The following AVEN variants were observed in gnomAD, a reference collection of about 807,000 sequenced individuals.
AVEN encodes apoptosis and caspase activation inhibitor.
A neutral mutation model predicts 38.1 loss-of-function variants in AVEN; 41 were observed. That is an observed-to-expected ratio of 1.08 (90% CI 0.84 to 1.40). The LOEUF (loss-of-function observed/expected upper bound fraction) is 1.40, where lower values mean the gene tolerates loss of function less well. AVEN is among the 40% of genes most tolerant of loss of function. The pLI is 0.00. For synonymous variants in AVEN, 206 were observed against 171.8 expected (o/e 1.20, Z -1.56); for missense variants, 605 against 438.8 (o/e 1.38, Z -3.38).
intron 2 of AVEN, among the ~76,000 whole-genome samples, chr15:33,922,752 T>C (rs534132638): frequency 3.0e-4 from 46 of 152,322 alleles, no homozygotes; most frequent in African/African-American, 1.1e-3. Context: ...TTTGACAACC[T>C]AATTCTCTAT....
At chr15:33,935,378 G>C (rs1894017902) in intron 2 of AVEN, among the ~76,000 whole-genome samples, 1 of 152,182 alleles carries the variant, frequency 6.6e-6, no homozygotes, top group African/African-American at 2.4e-5. Flanking sequence ...TGTTTGTAAT[G>C]TGGTTTGTAA....
At chr15:33,983,866 C>T (rs776873519) in intron 2 of AVEN, among the ~76,000 whole-genome samples, 14 of 151,318 alleles carry the variant, frequency 9.3e-5, no homozygotes, top group Non-Finnish European at 1.8e-4. Flanking sequence ...TGACATGATC[C>T]AACAAGAAAG....
chr15:33,914,158 T>TA (rs948413382), intron 2 of AVEN, among the ~76,000 whole-genome samples: 3 of 88,234 alleles, frequency 3.4e-5, no homozygotes, highest in African/African-American at 1.2e-4. Context: ...AAATTTAATA[T>TA]AACCCCCCCC....
chr15:34,017,542 C>G (rs2684956), intron 1 of AVEN, among the ~76,000 whole-genome samples: 92,807 of 144,500 alleles, frequency 0.64, 34,146 homozygotes, highest in Non-Finnish European at 0.82. Flanking sequence ...GAGTGCAGTA[C>G]TGCGATCAGC....
intron 11 of AVEN, among the ~76,000 whole-genome samples, chr15:33,860,846 A>G (rs1887928958): frequency 1.3e-5 from 2 of 151,208 alleles, no homozygotes; most frequent in Non-Finnish European, 2.9e-5. Flanking sequence ...TGCCTCCTCC[A>G]CTGTCCCACA....
intron 1 of AVEN, among the ~76,000 whole-genome samples, chr15:34,034,887 G>GA (rs1899044878): frequency 6.6e-6 from 1 of 151,970 alleles, no homozygotes; most frequent in Non-Finnish European, 1.5e-5. Context: ...AGGCTTTCTG[G>GA]AAAAAAAGGA....
intron 2 of AVEN, among the ~76,000 whole-genome samples, chr15:33,936,340 C>G (rs1894059120): frequency 6.6e-6 from 1 of 152,160 alleles, no homozygotes; most frequent in Admixed American, 6.5e-5. Flanking sequence ...GTTACTGGAT[C>G]AGATGTGTTC....
intron 2 of AVEN, among the ~76,000 whole-genome samples, chr15:33,975,791 G>A (rs149977606): frequency 0.011 from 1,610 of 152,256 alleles, 32 homozygotes; most frequent in African/African-American, 0.037. Context: ...TTAGCCGGGC[G>A]TGGTGGCACA....
intron 2 of AVEN, among the ~76,000 whole-genome samples, chr15:33,929,971 G>A (rs555925745): frequency 2.0e-5 from 3 of 152,146 alleles, no homozygotes; most frequent in Admixed American, 6.5e-5. Flanking sequence ...TATAACCGCC[G>A]CTTAAAAAAA....
intron 2 of AVEN, among the ~76,000 whole-genome samples, chr15:33,915,929 A>G (rs1479186099): frequency 6.6e-6 from 1 of 152,060 alleles, no homozygotes; most frequent in African/African-American, 2.4e-5. Context: ...GGTGACCTGC[A>G]TGACACAGCT....
At chr15:33,893,479 T>C (rs1266160381) in intron 2 of AVEN, among the ~76,000 whole-genome samples, 1 of 152,196 alleles carries the variant, frequency 6.6e-6, no homozygotes, top group Non-Finnish European at 1.5e-5. Context: ...GAAGATAGCT[T>C]GAGCCCAGGA....
At chr15:33,862,450 A>G (rs1888638515), downstream of AVEN, among the ~76,000 whole-genome samples, 1 of 151,776 alleles carries the variant, frequency 6.6e-6, no homozygotes, top group Non-Finnish European at 1.5e-5. Context: ...CAAGCTATCC[A>G]CCCACCTTGG....
chr15:33,965,671 T>C (rs1379404383), intron 2 of AVEN, among the ~76,000 whole-genome samples: 1 of 151,880 alleles, frequency 6.6e-6, no homozygotes, highest in African/African-American at 2.4e-5. Context: ...ATACATAGAG[T>C]TGTAAAAAGG....
intron 2 of AVEN, among the ~76,000 whole-genome samples, chr15:33,938,150 T>C (rs756012136): frequency 6.6e-6 from 1 of 151,860 alleles, no homozygotes; most frequent in Non-Finnish European, 1.5e-5. Flanking sequence ...TGGACAAATA[T>C]GATTACTATA....
chr15:33,923,351 A>G lies in AVEN; in HGVS notation c.446-47356T>C, dbSNP rs377467649. 2.3e-4 allele frequency among the ~76,000 whole-genome samples: 35 copies of G among 152,358 alleles called. No individual in the cohort carries two copies. The East Asian group carries it at 5.2e-3, about 23-fold the overall frequency. ...ATATGTAACCTTACAATAGTCAAGC[A>G]CATGCATTAATGAAGAGTAGTAAGT... is the stretch of plus-strand genomic sequence containing the variant. On this transcript the variant is annotated intron_variant, in intron 2 of 5. Transcript: ENST00000306730.
Position 33,867,481 on chromosome 15 carries a change from A to C in AVEN, c.973+14T>G, listed in dbSNP as rs373416760. On this transcript the variant is annotated intron_variant, in intron 5 of 5. Coordinates refer to ENST00000306730, the MANE Select transcript of AVEN (RefSeq NM_020371.3). ...CAGAATCAAGATTCACGGGGAATAA[A>C]ATGAAAGCCATACCTTCTTCCTCTT... The C allele has an allele frequency of 1.2e-4, 181 of 1,546,086 alleles. No individual in the cohort carries two copies. Among genetic ancestry groups the C allele is most frequent in the Admixed American group, 3.1e-4 (15 of 47,922 alleles).
At chr15:33,968,840 A>G (rs1390750425) in intron 2 of AVEN, 1 of 152,122 alleles carries the variant, frequency 6.6e-6, no homozygotes, top group Non-Finnish European at 1.5e-5. Flanking sequence ...TCATTGCTGA[A>G]GCATTCAATG....
chr15:33,947,378 G>C (rs1017899423), intron 2 of AVEN, among the ~76,000 whole-genome samples: 1 of 152,032 alleles, frequency 6.6e-6, no homozygotes, highest in Admixed American at 6.6e-5. Flanking sequence ...CCAATGAATA[G>C]GAAAAGTAAA....
rs2702304 is a variant in AVEN, at chr15:34,063,801, C to T, written n.1127-369G>A. ...AAGTGACTATGACACCCCAAACTAC[C>T]TTCTGTCTCCAGCAGCTGCTCATAG... On this transcript the variant is annotated intron_variant and non_coding_transcript_variant, in intron 4 of 11. Transcript: ENST00000675287. The surrounding 1 kb of genome is among the most constrained non-coding windows in gnomAD (Gnocchi z 4.1). 6.2e-7 allele frequency: 1 copy of T among 1,614,186 alleles called. No homozygotes were observed. Among genetic ancestry groups the T allele is most frequent in the Non-Finnish European group, 8.5e-7 (1 of 1,180,030 alleles).
Sources: gnomAD v4.1 joint callset for allele counts (sites outside exome capture counted in the v4.1 genomes callset) on GRCh38, gnomAD v4.1.1 for gene constraint, Gnocchi (gnomAD v3.1) non-coding constraint, MANE v1.5 for transcripts, NCBI Gene and HGNC (gene_info 2026-07-23, HGNC 2026-07-21) for gene names.